NUP35: variants seen among roughly 807,000 people sequenced by gnomAD.
NUP35 encodes nucleoporin NUP35.
In NUP35, 25 loss-of-function variants were observed where a neutral mutation model predicts 41.5. The observed-to-expected ratio is 0.60, with a 90% confidence interval of 0.44 to 0.84. NUP35 has a LOEUF of 0.84. Among genes scored for constraint, NUP35 ranks in the 40% least tolerant of loss-of-function variants. The pLI is 0.00. For synonymous variants in NUP35, 149 were observed against 130.7 expected, an observed-to-expected ratio of 1.14 and a Z score of -0.96; for missense variants, 396 against 396.6, an observed-to-expected ratio of 1.00 and a Z score of 0.01.
rs769313639 is a variant in NUP35 at position 183,158,297 on chromosome 2, A to G, written c.624A>G (p.Gly208=). ...NILKHVMSNT[G]NWMHIRYQSK... is the part of the protein sequence containing the mutation. ...ATTCTTTGCAGATGTCTAATACAGG[A>G]AATTGGATGCATATTCGTTATCAAT... The change falls in exon 7 of 9, where the codon GGA becomes GGG. Residue 208 remains glycine, a synonymous_variant. Transcript: ENST00000295119. The G allele has an allele frequency of 1.3e-6, 2 of 1,593,444 alleles. No homozygotes were observed. Among genetic ancestry groups the G allele is most frequent in the South Asian group, 2.3e-5 (2 of 87,358 alleles).
At chr2:183,142,878 T>C (rs1363140658) in intron 4 of NUP35, among the ~76,000 whole-genome samples, 1 of 150,486 alleles carries the variant, frequency 6.6e-6, no homozygotes, top group Non-Finnish European at 1.5e-5. Context: ...TTCTCTCAGC[T>C]GGGCACGGTG....
At chr2:183,124,987 G>C (rs1188932970) in intron 1 of NUP35, among the ~76,000 whole-genome samples, 2 of 149,632 alleles carry the variant, frequency 1.3e-5, no homozygotes, top group Non-Finnish European at 2.9e-5. Context: ...TCTCTCCCGG[G>C]CTTTGCCAAA....
At chr2:183,139,682 G>A (rs1051201784) in intron 4 of NUP35, among the ~76,000 whole-genome samples, 2 of 152,130 alleles carry the variant, frequency 1.3e-5, no homozygotes, top group Non-Finnish European at 2.9e-5. Flanking sequence ...GGAGAGAGAA[G>A]GTGATGTTCA....
At chr2:183,136,312 CTAGAGGTCAGATATCTGGGCTGTTGGT>C (rs1470045920) in intron 4 of NUP35, among the ~76,000 whole-genome samples, 1 of 152,184 alleles carries the variant, frequency 6.6e-6, no homozygotes, top group East Asian at 1.9e-4. Flanking sequence ...CTTCTGGTTT[CTAGAGGTCAGATATCTGGGCTGTTGGT>C]TAGAGCTCAG....
chr2:183,125,978 C>T (rs74793765), intron 1 of NUP35, among the ~76,000 whole-genome samples: 5,351 of 152,202 alleles, frequency 0.035, 297 homozygotes, highest in African/African-American at 0.12. Flanking sequence ...ATTAAGAGCC[C>T]ATTGTGCCCT....
chr2:183,140,592 C>T lies in NUP35; in HGVS notation c.397+6969C>T, dbSNP rs6733604. 1.5e-3 allele frequency among the ~76,000 whole-genome samples: 227 copies of T among 152,054 alleles called. 1 individual carries two copies. Among genetic ancestry groups the T allele is most frequent in the African/African-American group, 5.2e-3 (214 of 41,472 alleles). ...ATCCCAGCAATTTGGGAGGCCAAGG[C>T]GGGTAGATCACCTGAGGTCAGGAGT... On this transcript the variant is annotated intron_variant, in intron 4 of 8. Transcript: ENST00000295119.
chr2:183,148,610 ATTCATGTTCTTTGCCCACT>A (rs1220982242), intron 4 of NUP35, among the ~76,000 whole-genome samples: 6 of 152,058 alleles, frequency 3.9e-5, no homozygotes, highest in Non-Finnish European at 7.4e-5. Context: ...AAAAATGTCT[ATTCATGTTCTTTGCCCACT>A]TCTTTAACAG....
intron 5 of NUP35, among the ~76,000 whole-genome samples, chr2:183,155,995 C>G (rs886738194): frequency 6.6e-6 from 1 of 152,096 alleles, no homozygotes; most frequent in Admixed American, 6.5e-5. Context: ...GGGGAAGTAC[C>G]TCTAAAGGAT....
At chr2:183,153,830 C>T (rs977766444) in intron 5 of NUP35, among the ~76,000 whole-genome samples, 5 of 152,242 alleles carry the variant, frequency 3.3e-5, no homozygotes, top group Admixed American at 6.5e-5. Context: ...TGTGTGGGAG[C>T]TTTGACCCCA....
At chr2:183,142,293 T>C (rs1051757366) in intron 4 of NUP35, among the ~76,000 whole-genome samples, 41 of 152,208 alleles carry the variant, frequency 2.7e-4, no homozygotes, top group Non-Finnish European at 1.0e-4. Context: ...TATTATTTGT[T>C]TGATAATTGC....
At chr2:183,146,218 A>G (rs929661608) in intron 4 of NUP35, among the ~76,000 whole-genome samples, 1 of 152,162 alleles carries the variant, frequency 6.6e-6, no homozygotes, top group African/African-American at 2.4e-5. Context: ...CCTGGGCAAT[A>G]GAGTGAGACT....
At chr2:183,123,734 G>A (rs551361916), upstream of NUP35, 201 of 939,068 alleles carry the variant, frequency 2.1e-4, no homozygotes, top group Middle Eastern at 2.2e-3. Context: ...GTATGACTAT[G>A]CCCTAAAGAA....
intron 1 of NUP35, chr2:183,117,701 C>G (rs1024994368): frequency 6.6e-6 from 1 of 152,028 alleles, no homozygotes. Context: ...TGAGAGTGGG[C>G]TTTTAAGAGT....
At chr2:183,130,621 T>A in intron 3 of NUP35, 76 bp downstream of exon 3, 2 of 1,440,746 alleles carry the variant, frequency 1.4e-6, no homozygotes, top group South Asian at 1.3e-5. Flanking sequence ...AGTCAATACT[T>A]TGAAATGTTT....
intron 4 of NUP35, among the ~76,000 whole-genome samples, chr2:183,136,297 A>G (rs926386586): frequency 2.0e-5 from 3 of 152,230 alleles, no homozygotes; most frequent in East Asian, 3.8e-4. Context: ...CAATACACGT[A>G]TTATCTTCTG....
upstream of NUP35, among the ~76,000 whole-genome samples, chr2:183,122,954 G>A (rs1211131983): frequency 6.6e-6 from 1 of 152,126 alleles, no homozygotes; most frequent in African/African-American, 2.4e-5. Context: ...ACTGAATATT[G>A]AAATAGTAAG....
At chr2:183,155,928 T>C (rs1685649465) in intron 5 of NUP35, among the ~76,000 whole-genome samples, 1 of 152,204 alleles carries the variant, frequency 6.6e-6, no homozygotes, top group African/African-American at 2.4e-5. Flanking sequence ...TGACTTTAAT[T>C]TCAAGAACTG....
At chr2:183,157,607 T>A (rs1437437709) in intron 6 of NUP35, 94 bp downstream of exon 6, 10 of 890,806 alleles carry the variant, frequency 1.1e-5, no homozygotes, top group Non-Finnish European at 1.6e-5. Context: ...GGGTTTTTTT[T>A]AAACTTAAAT....
chr2:183,121,248 G>A (rs1295484210), upstream of NUP35, among the ~76,000 whole-genome samples: 2 of 152,096 alleles, frequency 1.3e-5, no homozygotes, highest in Non-Finnish European at 2.9e-5. Context: ...TTTCGGAAGA[G>A]CATTACACAG....
Sources: allele counts gnomAD v4.1 joint callset (sites outside exome capture counted in the v4.1 genomes callset), GRCh38; gene constraint gnomAD v4.1.1; transcripts MANE v1.5; gene names NCBI Gene and HGNC (gene_info 2026-07-23, HGNC 2026-07-21).